KCNH7: variants seen among roughly 807,000 people sequenced by gnomAD.
KCNH7 encodes voltage-gated inwardly rectifying potassium channel KCNH7.
Under a neutral mutation model 120.8 loss-of-function variants are expected in KCNH7, and 49 were observed. The ratio of observed to expected loss-of-function variants is 0.41; its 90% CI spans 0.32 to 0.51. The LOEUF is 0.51. Among genes scored for constraint, KCNH7 ranks in the 20% least tolerant of loss-of-function variants. The pLI, the probability that KCNH7 is intolerant of heterozygous loss-of-function variation, is 0.38. For synonymous variants in KCNH7, 547 were observed against 516.1 expected, an observed-to-expected ratio of 1.06 and a Z score of -0.81; for missense variants, 1,097 against 1,446.6, an observed-to-expected ratio of 0.76 and a Z score of 3.92.
intron 2 of KCNH7, among the ~76,000 whole-genome samples, chr2:162,563,198 T>C (rs1693133668): frequency 6.6e-6 from 1 of 152,186 alleles, no homozygotes; most frequent in Non-Finnish European, 1.5e-5. Flanking sequence ...TGAGGAAATC[T>C]GCTTTCTTCA....
intron 2 of KCNH7, among the ~76,000 whole-genome samples, chr2:162,636,882 C>T (rs576625539): frequency 2.6e-4 from 39 of 152,078 alleles, no homozygotes; most frequent in Non-Finnish European, 4.6e-4. Flanking sequence ...TTGTCATTTA[C>T]AGTTTTACTG....
At chr2:162,778,805 A>G (rs949527509) in intron 2 of KCNH7, among the ~76,000 whole-genome samples, 2 of 152,228 alleles carry the variant, frequency 1.3e-5, no homozygotes, top group African/African-American at 4.8e-5. Context: ...ACTATCAGAC[A>G]TCACTGCATA....
chr2:162,540,111 A>C (rs928679760), intron 2 of KCNH7, among the ~76,000 whole-genome samples: 1 of 152,080 alleles, frequency 6.6e-6, no homozygotes, highest in African/African-American at 2.4e-5. Context: ...ATAGACATCT[A>C]ATAATGTGGA....
intron 2 of KCNH7, among the ~76,000 whole-genome samples, chr2:162,709,864 G>A (rs1686859549): frequency 6.6e-6 from 1 of 152,010 alleles, no homozygotes; most frequent in African/African-American, 2.4e-5. Flanking sequence ...CTGTACCCTT[G>A]CAGACTGCCC....
intron 2 of KCNH7, among the ~76,000 whole-genome samples, chr2:162,826,500 G>A (rs1005026738): frequency 2.6e-5 from 4 of 152,074 alleles, no homozygotes; most frequent in African/African-American, 7.2e-5. Flanking sequence ...AGGTTATTAA[G>A]TATTAGAATA....
intron 2 of KCNH7, among the ~76,000 whole-genome samples, chr2:162,777,807 C>G (rs1683303724): frequency 6.6e-6 from 1 of 152,010 alleles, no homozygotes; most frequent in South Asian, 2.1e-4. Flanking sequence ...AAAGAGAATA[C>G]TATGTATTTT....
intron 1 of KCNH7, among the ~76,000 whole-genome samples, chr2:162,837,230 T>A (rs1055964636): frequency 9.2e-5 from 14 of 152,218 alleles, no homozygotes; most frequent in Non-Finnish European, 1.5e-4. Context: ...TTCTTTGGCT[T>A]CTCCCTATCT....
chr2:162,685,718 A>G (rs907221464), intron 2 of KCNH7, among the ~76,000 whole-genome samples: 5 of 152,018 alleles, frequency 3.3e-5, no homozygotes, highest in Non-Finnish European at 7.4e-5. Flanking sequence ...TGTATTAGAA[A>G]AAAAAAAAGT....
chr2:162,409,435 C>G (rs1475808008), intron 9 of KCNH7, among the ~76,000 whole-genome samples: 3 of 151,748 alleles, frequency 2.0e-5, no homozygotes, highest in Non-Finnish European at 4.4e-5. Context: ...ATTGAAACAA[C>G]CAGATGATTT....
chr2:162,425,316 T>C (rs1297936669), intron 8 of KCNH7, among the ~76,000 whole-genome samples: 1 of 152,090 alleles, frequency 6.6e-6, no homozygotes, highest in African/African-American at 2.4e-5. Flanking sequence ...ACCTATCTTT[T>C]GGTTCTGCTT....
chr2:162,690,838 A>C (rs918070112), intron 2 of KCNH7, among the ~76,000 whole-genome samples: 1 of 152,188 alleles, frequency 6.6e-6, no homozygotes, highest in African/African-American at 2.4e-5. Flanking sequence ...TTTTATTTCT[A>C]CAGGGGAAGT....
chr2:162,416,784 T>C (rs966445864), intron 9 of KCNH7, among the ~76,000 whole-genome samples: 21 of 152,062 alleles, frequency 1.4e-4, no homozygotes, highest in Admixed American at 1.1e-3. Context: ...AGAAAGCTCT[T>C]ATGAGATGGT....
In KCNH7 at chr2:162,701,817, G is replaced by T. The variant is rs548136601; in HGVS notation, c.307+134720C>A. Among the ~76,000 whole-genome samples the T allele has an allele frequency of 2.0e-5, 3 of 152,214 alleles. No individual in the cohort carries two copies. The South Asian group carries it at 6.2e-4, about 32-fold the overall frequency. ...AAGTCAAGAGTTTGAGACCAACCTGGTCAGCATGGTGAAACCCCATCTCTA... is the reference window on the plus strand; with the variant it reads ...AAGTCAAGAGTTTGAGACCAACCTGTTCAGCATGGTGAAACCCCATCTCTA... On this transcript the variant is annotated intron_variant, in intron 2 of 15. Coordinates refer to ENST00000332142, the MANE Select transcript of KCNH7 (RefSeq NM_033272.4).
intron 2 of KCNH7, among the ~76,000 whole-genome samples, chr2:162,651,846 T>C (rs1159322331): frequency 6.6e-6 from 1 of 152,192 alleles, no homozygotes; most frequent in African/African-American, 2.4e-5. Flanking sequence ...CCCTGTTCTC[T>C]GCATCCTCAC....
At chr2:162,758,593 C>G (rs2105446788) in intron 2 of KCNH7, among the ~76,000 whole-genome samples, 1 of 151,952 alleles carries the variant, frequency 6.6e-6, no homozygotes, top group South Asian at 2.1e-4. Flanking sequence ...ATTTACGTAT[C>G]TACATATACA....
chr2:162,410,987 G>A (rs1573926120), intron 9 of KCNH7, among the ~76,000 whole-genome samples: 1 of 152,026 alleles, frequency 6.6e-6, no homozygotes, highest in African/African-American at 2.4e-5. Context: ...GTGAACACTT[G>A]TACACTGCGG....
intron 2 of KCNH7, among the ~76,000 whole-genome samples, chr2:162,546,509 A>T (rs761783537): frequency 6.6e-6 from 1 of 152,154 alleles, no homozygotes; most frequent in Non-Finnish European, 1.5e-5. Flanking sequence ...GCATACTGCC[A>T]TAGTAAGTGC....
At chr2:162,512,545 G>C (rs1691113013) in intron 5 of KCNH7, 109 bp downstream of exon 5, 1 of 899,838 alleles carries the variant, frequency 1.1e-6, no homozygotes, top group Admixed American at 2.2e-5. Flanking sequence ...AAATAGCTAA[G>C]GGCAGCATGA....
chr2:162,393,695 T>G (rs1310609497), intron 12 of KCNH7, among the ~76,000 whole-genome samples: 9 of 151,890 alleles, frequency 5.9e-5, no homozygotes. Flanking sequence ...AGTCAAAGCT[T>G]CTTCAGGAAA....
Sources: allele counts gnomAD v4.1 joint callset (sites outside exome capture counted in the v4.1 genomes callset), GRCh38; gene constraint gnomAD v4.1.1; transcripts MANE v1.5; gene names NCBI Gene and HGNC (gene_info 2026-07-23, HGNC 2026-07-21).